The following PHC2 variants were observed in gnomAD, a reference collection of about 807,000 sequenced individuals.
The protein encoded by PHC2 is polyhomeotic homolog 2, also known as polyhomeotic-like protein 2.
PHC2 carries 29 observed loss-of-function variants against 87.4 expected under a neutral mutation model. That is an observed-to-expected ratio of 0.33 (90% confidence interval 0.25 to 0.45). The LOEUF is 0.45. Among genes scored for constraint, PHC2 ranks in the 20% least tolerant of loss-of-function variants. The pLI is 1.00. For missense variants in PHC2, 857 were observed against 1,136.7 expected (o/e 0.75, Z 3.54); for synonymous variants, 438 against 461.7 (o/e 0.95, Z 0.66).
At chr1:33,338,025 G>A (rs1055590782) in intron 9 of PHC2, among the ~76,000 whole-genome samples, 10 of 152,096 alleles carry the variant, frequency 6.6e-5, no homozygotes, top group Non-Finnish European at 1.2e-4. Flanking sequence ...TGCCTCTTTC[G>A]CTGATAGTCA....
chr1:33,416,307 C>A (rs529454814), intron 1 of PHC2, among the ~76,000 whole-genome samples: 1 of 151,996 alleles, frequency 6.6e-6, no homozygotes, highest in East Asian at 1.9e-4. Context: ...GTGGCTCACG[C>A]CTGTAATCCT....
At chr1:33,353,312 A>G (rs1647008449) in intron 9 of PHC2, 1 of 152,190 alleles carries the variant, frequency 6.6e-6, no homozygotes, top group Non-Finnish European at 1.5e-5. Context: ...TATAATTCAC[A>G]AGACAGAATC....
intron 7 of PHC2, among the ~76,000 whole-genome samples, chr1:33,360,421 A>C (rs1647176050): frequency 1.3e-5 from 2 of 152,290 alleles, no homozygotes; most frequent in African/African-American, 4.8e-5. Context: ...CATGGGTTTT[A>C]GAGTCAGTCA....
chr1:33,372,191 A>G (rs1647888934), intron 3 of PHC2, 98 bp downstream of exon 3: 1 of 1,212,916 alleles, frequency 8.2e-7, no homozygotes, highest in Non-Finnish European at 1.1e-6. Flanking sequence ...CAGGTAAGAG[A>G]AGGATGTGAA....
At chr1:33,410,446 A>G (rs1316602887) in intron 1 of PHC2, among the ~76,000 whole-genome samples, 1 of 152,214 alleles carries the variant, frequency 6.6e-6, no homozygotes, top group African/African-American at 2.4e-5. Flanking sequence ...GAAAAGGCCA[A>G]TCCTGTAAAA....
rs1285115616 is a variant in PHC2, at chr1:33,355,139, TG to T, written c.1090del (p.Gln364SerfsTer35). ...AGCTTGGAGCACAGGCCGTGACTGC[TG>T]GGGCGGCGGCTGCTGCTGTTGTGGC... ...PQPQQQQPPP[Q>X]QSRPVLQAEP... On this transcript the variant is annotated frameshift_variant, in exon 8 of 15. Transcript: ENST00000683057. LOFTEE classifies it high-confidence loss of function. The T allele has an allele frequency of 6.2e-7, 1 of 1,611,566 alleles. No homozygotes were observed. Among genetic ancestry groups the T allele is most frequent in the East Asian group, 2.2e-5 (1 of 44,840 alleles).
At chr1:33,429,132 C>A (rs1043901738) in intron 1 of PHC2, among the ~76,000 whole-genome samples, 4 of 152,104 alleles carry the variant, frequency 2.6e-5, no homozygotes, top group African/African-American at 7.2e-5. Context: ...AACATTATGC[C>A]CAGTTTCAGG....
At chr1:33,372,505 T>G in intron 2 of PHC2, 58 bp from the exon 3 acceptor site, 1 of 1,416,462 alleles carries the variant, frequency 7.1e-7, no homozygotes, top group Admixed American at 2.7e-5. Flanking sequence ...GAACACCCCT[T>G]TGGCAGTAAT....
intron 10 of PHC2, 117 bp downstream of exon 10, chr1:33,333,973 A>G: frequency 1.1e-6 from 1 of 875,628 alleles, no homozygotes; most frequent in Non-Finnish European, 1.8e-6. Flanking sequence ...GGAGGAAGTT[A>G]GCAAGGAAAG....
At chr1:33,384,512 G>C (rs1473674857) in intron 1 of PHC2, among the ~76,000 whole-genome samples, 2 of 152,194 alleles carry the variant, frequency 1.3e-5, no homozygotes, top group Non-Finnish European at 2.9e-5. Flanking sequence ...GCAGCACTCT[G>C]TTTAGGGATC....
chr1:33,329,846 G>A (rs2148190742), intron 13 of PHC2, among the ~76,000 whole-genome samples: 2 of 152,184 alleles, frequency 1.3e-5, no homozygotes, highest in East Asian at 3.9e-4. Context: ...GGGTGATGTT[G>A]AGGCAAGGCC....
intron 9 of PHC2, among the ~76,000 whole-genome samples, chr1:33,342,501 T>C (rs1646762804): frequency 6.6e-6 from 1 of 152,096 alleles, no homozygotes; most frequent in Non-Finnish European, 1.5e-5. Context: ...AAGGAATCAA[T>C]GGAGCGAACA....
At chr1:33,337,258 T>C (rs540473418) in intron 9 of PHC2, among the ~76,000 whole-genome samples, 1 of 152,326 alleles carries the variant, frequency 6.6e-6, no homozygotes, top group Non-Finnish European at 1.5e-5. Flanking sequence ...AATGATTTTC[T>C]GGCATTTGTT....
chr1:33,362,727 G>A (rs1044606108), intron 7 of PHC2, among the ~76,000 whole-genome samples: 4 of 150,090 alleles, frequency 2.7e-5, no homozygotes, highest in African/African-American at 7.5e-5. Context: ...AGTGCCAGCT[G>A]AGATACTCCT....
At chr1:33,410,644 C>T (rs1043965192) in intron 1 of PHC2, among the ~76,000 whole-genome samples, 4 of 152,166 alleles carry the variant, frequency 2.6e-5, no homozygotes, top group African/African-American at 4.8e-5. Context: ...AATGGGCAGA[C>T]TAAGCCTTTA....
At chr1:33,351,302 T>A (rs1230013246) in intron 9 of PHC2, among the ~76,000 whole-genome samples, 1 of 152,202 alleles carries the variant, frequency 6.6e-6, no homozygotes, top group Non-Finnish European at 1.5e-5. Context: ...CAAAAAAAAA[T>A]TTAAAATGTA....
intron 1 of PHC2, among the ~76,000 whole-genome samples, chr1:33,403,616 T>A (rs929933891): frequency 2.0e-5 from 3 of 152,192 alleles, no homozygotes; most frequent in Non-Finnish European, 4.4e-5. Context: ...ATACATTTCA[T>A]GGTAAAGAAA....
At chr1:33,393,463 G>GTTTTTTTTTTTT (rs36030279) in intron 1 of PHC2, among the ~76,000 whole-genome samples, 5 of 131,046 alleles carry the variant, frequency 3.8e-5, no homozygotes, top group East Asian at 2.3e-4. Flanking sequence ...TTTTCAAGAG[G>GTTTTTTTTTTTT]TTTTTTTTTT....
chr1:33,367,328 G>A lies in PHC2; in HGVS notation c.764C>T (p.Thr255Met), dbSNP rs202020305. The A allele has an allele frequency of 3.1e-5, 50 of 1,613,372 alleles. No individual in the cohort carries two copies. The highest frequency in any genetic ancestry group is 3.1e-4 in the South Asian group (28 of 91,046). ...PVLPSLALKP[T>M]PGGSQPLPTP... ...AGGCAGAGGCTGGCTACCGCCCGGCGTGGGTTTCAGGGCCAAGCTGGGCAG... is the reference window on the plus strand; with the variant it reads ...AGGCAGAGGCTGGCTACCGCCCGGCATGGGTTTCAGGGCCAAGCTGGGCAG... Residue 255 changes from threonine (T) to methionine (M), a missense_variant, in exon 7 of 15, where the codon ACG becomes ATG. Transcript: ENST00000683057.
Sources: allele counts gnomAD v4.1 joint callset (sites outside exome capture counted in the v4.1 genomes callset), GRCh38; gene constraint gnomAD v4.1.1; transcripts MANE v1.5; gene names NCBI Gene and HGNC (gene_info 2026-07-23, HGNC 2026-07-21).